The following GLMN variants were observed in gnomAD, a reference collection of about 807,000 sequenced individuals.
The protein encoded by GLMN is glomulin.
GLMN carries 75 observed loss-of-function variants against 87.8 expected under a neutral mutation model. The ratio of observed to expected loss-of-function variants is 0.85; its 90% CI spans 0.71 to 1.04. GLMN has a LOEUF of 1.04. GLMN is among the 50% of genes least tolerant of loss of function. The pLI is 0.00. For synonymous variants in GLMN, 206 were observed against 221.6 expected (o/e 0.93, Z 0.63); for missense variants, 588 against 658.8 (o/e 0.89, Z 1.18).
intron 11 of GLMN, 81 bp downstream of exon 11, chr1:92,267,832 A>C: frequency 1.3e-6 from 1 of 797,482 alleles, no homozygotes; most frequent in Non-Finnish European, 2.3e-6. Context: ...AAAGAGTGGG[A>C]AAGGAATCAG....
the GLMN span, chr1:92,324,241 A>T: frequency 6.2e-7 from 1 of 1,614,094 alleles, no homozygotes; most frequent in South Asian, 1.1e-5. Context: ...GGGCTCAGGT[A>T]CAGCCATTAA....
At chr1:92,291,803 T>A (rs1316288893) in intron 3 of GLMN, among the ~76,000 whole-genome samples, 2 of 152,234 alleles carry the variant, frequency 1.3e-5, no homozygotes, top group African/African-American at 4.8e-5. Context: ...ATTTAAATAG[T>A]GCCTCTATTT....
chr1:92,256,122 C>T (rs1413890119), intron 16 of GLMN, among the ~76,000 whole-genome samples: 1 of 152,104 alleles, frequency 6.6e-6, no homozygotes, highest in East Asian at 1.9e-4. Context: ...CTATAAACAC[C>T]TCTATGCAAA....
intron 3 of GLMN, among the ~76,000 whole-genome samples, chr1:92,292,532 C>A (rs1279773771): frequency 6.6e-6 from 1 of 151,334 alleles, no homozygotes; most frequent in African/African-American, 2.4e-5. Context: ...TGTCTCAGCC[C>A]CCCAAGTAGC....
At chr1:92,320,413 C>T in the GLMN span, among the ~76,000 whole-genome samples, 2 of 152,100 alleles carry the variant, frequency 1.3e-5, no homozygotes, top group African/African-American at 2.4e-5. Flanking sequence ...GCTGGGACTA[C>T]AGGCGCGCAC....
chr1:92,279,532 G>A (rs1413301243), intron 7 of GLMN, among the ~76,000 whole-genome samples: 2 of 151,126 alleles, frequency 1.3e-5, no homozygotes, highest in East Asian at 3.9e-4. Flanking sequence ...AGCTCCCAGC[G>A]AGATCGACGC....
the GLMN span, among the ~76,000 whole-genome samples, chr1:92,341,102 A>G: frequency 0.58 from 88,265 of 151,860 alleles, 28,078 homozygotes; most frequent in East Asian, 0.96. Flanking sequence ...TCTGCCTCCC[A>G]GTCTCAAGCA....
the GLMN span, among the ~76,000 whole-genome samples, chr1:92,370,352 T>C: frequency 1.3e-5 from 2 of 152,152 alleles, no homozygotes; most frequent in Non-Finnish European, 2.9e-5. Flanking sequence ...CCAATCCCAA[T>C]AGGGAGTAGT....
chr1:92,317,250 T>C, the GLMN span, among the ~76,000 whole-genome samples: 1 of 152,150 alleles, frequency 6.6e-6, no homozygotes, highest in Admixed American at 6.5e-5. Flanking sequence ...GGCTCACAAC[T>C]GTAATCCCAG....
At chr1:92,319,801 C>A in the GLMN span, among the ~76,000 whole-genome samples, 1 of 152,118 alleles carries the variant, frequency 6.6e-6, no homozygotes, top group Non-Finnish European at 1.5e-5. Context: ...GAGTTCAAGA[C>A]CAGCCTGACC....
At position 92,277,264 on chromosome 1, in the gene GLMN, C is replaced by T. The variant is rs117723180; in HGVS notation, c.736-5612G>A. 2.0e-5 allele frequency among the ~76,000 whole-genome samples: 3 copies of T among 152,310 alleles called. No homozygotes were observed. The East Asian group carries it at 5.8e-4, about 29-fold the overall frequency. On this transcript the variant is annotated intron_variant, in intron 7 of 18. Transcript: ENST00000370360. ...TTAACTCCCAAGGCTTCCCTACTTCCAATTTTATCCCAGTTAGTCATCTTC... is the reference window on the plus strand; with the variant it reads ...TTAACTCCCAAGGCTTCCCTACTTCTAATTTTATCCCAGTTAGTCATCTTC...
chr1:92,260,338 G>A (rs1654864891), intron 16 of GLMN, among the ~76,000 whole-genome samples: 1 of 152,116 alleles, frequency 6.6e-6, no homozygotes. Context: ...CCTGTTGGCT[G>A]GGTGTGGTGG....
intron 16 of GLMN, among the ~76,000 whole-genome samples, chr1:92,253,260 C>G (rs1007400965): frequency 6.6e-6 from 1 of 152,178 alleles, no homozygotes; most frequent in African/African-American, 2.4e-5. Flanking sequence ...AGAAAGGCAG[C>G]AGCTCCAGTC....
At chr1:92,365,815 CAT>C in the GLMN span, among the ~76,000 whole-genome samples, 8 of 152,140 alleles carry the variant, frequency 5.3e-5, no homozygotes, top group African/African-American at 1.9e-4. Context: ...ATGAATCAGA[CAT>C]GTGAACTTGT....
chr1:92,307,363 G>T, the GLMN span: 1 of 856,940 alleles, frequency 1.2e-6, no homozygotes, highest in Non-Finnish European at 1.8e-6. Context: ...AGTAAGTCTA[G>T]TTTTCTGTAA....
chr1:92,273,416 G>GT (rs1283919696), intron 7 of GLMN, among the ~76,000 whole-genome samples: 2 of 140,782 alleles, frequency 1.4e-5, no homozygotes, highest in South Asian at 4.6e-4. Flanking sequence ...TGCTACATGT[G>GT]TTTTTTCCAG....
chr1:92,248,989 G>GT (rs969485433), intron 16 of GLMN, among the ~76,000 whole-genome samples: 6 of 152,010 alleles, frequency 3.9e-5, no homozygotes, highest in Non-Finnish European at 8.8e-5. Context: ...TACTGCAGAT[G>GT]TTTTTTAAAA....
intron 3 of GLMN, among the ~76,000 whole-genome samples, chr1:92,296,506 A>C (rs1650074078): frequency 6.6e-6 from 1 of 152,172 alleles, no homozygotes; most frequent in Admixed American, 6.6e-5. Context: ...CCCTATCATG[A>C]GAAGCATGGG....
the GLMN span, among the ~76,000 whole-genome samples, chr1:92,350,114 C>A: frequency 6.6e-6 from 1 of 152,090 alleles, no homozygotes; most frequent in South Asian, 2.1e-4. Context: ...CTCACTGATT[C>A]CATGGGACTT....
Sources: allele counts gnomAD v4.1 joint callset (sites outside exome capture counted in the v4.1 genomes callset), GRCh38; gene constraint gnomAD v4.1.1; transcripts MANE v1.5; gene names NCBI Gene and HGNC (gene_info 2026-07-23, HGNC 2026-07-21).